PPP3CC: variants seen among roughly 807,000 people sequenced by gnomAD.
PPP3CC encodes the protein protein phosphatase 3 catalytic subunit gamma, also known as serine/threonine-protein phosphatase 2B catalytic subunit gamma isoform.
Under a neutral mutation model 60.3 loss-of-function variants are expected in PPP3CC, and 35 were observed. The ratio of observed to expected loss-of-function variants is 0.58; its 90% confidence interval spans 0.44 to 0.77. The LOEUF (loss-of-function observed/expected upper bound fraction) is 0.77. PPP3CC is among the 30% of genes least tolerant of loss of function. The pLI, the probability that PPP3CC is intolerant of heterozygous loss-of-function variation, is 0.00. For missense variants in PPP3CC, 570 were observed against 628.9 expected (o/e 0.91, Z 1.00); for synonymous variants, 206 against 224.3 (o/e 0.92, Z 0.73).
chr8:22,488,767 G>A (rs1395784710), intron 3 of PPP3CC, among the ~76,000 whole-genome samples: 1 of 152,228 alleles, frequency 6.6e-6, no homozygotes, highest in African/African-American at 2.4e-5. Flanking sequence ...AGAGGCAATT[G>A]TTGAACAGAA....
chr8:22,530,064 T>C (rs867150341), intron 10 of PPP3CC, among the ~76,000 whole-genome samples: 1 of 152,138 alleles, frequency 6.6e-6, no homozygotes, highest in Non-Finnish European at 1.5e-5. Flanking sequence ...CCTTTGGGAA[T>C]CTAGAGGAAA....
chr8:22,454,741 A>G (rs1837141481), intron 1 of PPP3CC, among the ~76,000 whole-genome samples: 1 of 152,210 alleles, frequency 6.6e-6, no homozygotes, highest in South Asian at 2.1e-4. Context: ...GCTATGTGGC[A>G]CATGACTGTT....
At chr8:22,487,414 A>G (rs1219079638) in intron 3 of PPP3CC, among the ~76,000 whole-genome samples, 1 of 152,142 alleles carries the variant, frequency 6.6e-6, no homozygotes, top group Non-Finnish European at 1.5e-5. Context: ...ACCTGAGGTC[A>G]GGAGTTCGAG....
At chr8:22,525,414 C>G (rs1839514095) in intron 8 of PPP3CC, among the ~76,000 whole-genome samples, 1 of 151,880 alleles carries the variant, frequency 6.6e-6, no homozygotes, top group Non-Finnish European at 1.5e-5. Context: ...TGTTGCTCTT[C>G]TTTCTCTTTC....
Position 22,527,435 on chromosome 8 carries a change from G to A in PPP3CC, c.987G>A (p.Gln329=). The change falls in exon 9 of 14, where the codon CAG becomes CAA. Residue 329 remains glutamine (Q), a synonymous_variant. Transcript: ENST00000240139. Reference sequence around the variant, plus strand: ...AAAACAATGTCATGAATATCAGGCAGTTTAACTGTTCTCCACACCCCTACT... The same window carrying A: ...AAAACAATGTCATGAATATCAGGCAATTTAACTGTTCTCCACACCCCTACT... The part of the protein sequence containing the change: ...KYENNVMNIR[Q]FNCSPHPYWL... 2 of 1,613,660 alleles carry A rather than the reference G, an allele frequency of 1.2e-6. No individual in the cohort carries two copies. The highest frequency in any genetic ancestry group is 1.7e-6 in the Non-Finnish European group (2 of 1,179,592).
At chr8:22,466,911 T>A (rs562916879) in intron 1 of PPP3CC, among the ~76,000 whole-genome samples, 103 of 151,094 alleles carry the variant, frequency 6.8e-4, no homozygotes, top group South Asian at 4.2e-4. Flanking sequence ...CTGGATAATT[T>A]AAAAAAAAAA....
intron 4 of PPP3CC, among the ~76,000 whole-genome samples, chr8:22,499,302 G>C (rs568102760): frequency 1.3e-5 from 2 of 150,944 alleles, no homozygotes; most frequent in Non-Finnish European, 3.0e-5. Flanking sequence ...AGCCGGGCGC[G>C]GTGGCGGGCG....
chr8:22,454,805 A>G (rs1203820757), intron 1 of PPP3CC, among the ~76,000 whole-genome samples: 1 of 152,156 alleles, frequency 6.6e-6, no homozygotes, highest in South Asian at 2.1e-4. Context: ...GCGGTGGCTC[A>G]CGCCTGTAAT....
chr8:22,474,942 A>T lies in PPP3CC; in HGVS notation c.50-12A>T, dbSNP rs771780603. ...TTAAATATTTTAAATTATTATTATT[A>T]TTTTTTTGTAGCTGTCCCCTTTCCT... On this transcript the variant is annotated splice_polypyrimidine_tract_variant and intron_variant, in intron 1 of 13. Transcript: ENST00000240139. 2.7e-5 allele frequency: 39 copies of T among 1,447,486 alleles called. No individual in the cohort carries two copies. The Admixed American group carries it at 2.8e-4, about 10-fold the overall frequency. 89.7% of individuals were successfully genotyped at this position (1,447,486 alleles called of 1,614,324 possible). A position where few individuals can be genotyped will look rare whatever the true frequency, so the allele number is the denominator to read the frequency against.
At chr8:22,507,760 TGACCATA>T (rs1485498146) in intron 4 of PPP3CC, among the ~76,000 whole-genome samples, 1 of 152,212 alleles carries the variant, frequency 6.6e-6, no homozygotes, top group South Asian at 2.1e-4. Context: ...ATTATTATTA[TGACCATA>T]GATAAGGAAA....
chr8:22,518,547 T>G (rs1347306811), intron 6 of PPP3CC, among the ~76,000 whole-genome samples: 1 of 152,198 alleles, frequency 6.6e-6, no homozygotes, highest in Non-Finnish European at 1.5e-5. Context: ...AATTCTATTC[T>G]TCTGTTATTT....
intron 3 of PPP3CC, among the ~76,000 whole-genome samples, chr8:22,489,403 A>G (rs1405455125): frequency 1.3e-5 from 2 of 151,466 alleles, no homozygotes; most frequent in African/African-American, 4.9e-5. Flanking sequence ...CCCAGTATAC[A>G]CATGCTTCTA....
At chr8:22,504,325 A>G (rs1838848894) in intron 4 of PPP3CC, among the ~76,000 whole-genome samples, 1 of 152,148 alleles carries the variant, frequency 6.6e-6, no homozygotes, top group Non-Finnish European at 1.5e-5. Context: ...TTTAAGAGAC[A>G]GGGTCTCATT....
chr8:22,455,531 G>C (rs1407336660), intron 1 of PPP3CC, among the ~76,000 whole-genome samples: 1 of 152,196 alleles, frequency 6.6e-6, no homozygotes, highest in Non-Finnish European at 1.5e-5. Flanking sequence ...TTAAAATAGA[G>C]TGATTTTAAT....
intron 1 of PPP3CC, among the ~76,000 whole-genome samples, chr8:22,471,463 A>G (rs947570629): frequency 3.3e-5 from 5 of 152,150 alleles, no homozygotes; most frequent in Admixed American, 2.6e-4. Flanking sequence ...TAACTGCTAT[A>G]CACCTAGATG....
At chr8:22,448,686 T>A (rs367936551) in intron 1 of PPP3CC, among the ~76,000 whole-genome samples, 12 of 152,280 alleles carry the variant, frequency 7.9e-5, no homozygotes, top group African/African-American at 2.9e-4. Flanking sequence ...GCCTATATCA[T>A]TGTTAAATGT....
At chr8:22,497,457 CAG>C (rs1838624809) in intron 3 of PPP3CC, among the ~76,000 whole-genome samples, 1 of 152,058 alleles carries the variant, frequency 6.6e-6, no homozygotes. Flanking sequence ...CGCTGTGCCC[CAG>C]GGCTATTGAT....
intron 1 of PPP3CC, among the ~76,000 whole-genome samples, chr8:22,467,337 A>G (rs1837571888): frequency 6.6e-6 from 1 of 152,044 alleles, no homozygotes; most frequent in Admixed American, 6.6e-5. Flanking sequence ...AATTGAGGAT[A>G]CTTTTCGATC....
At chr8:22,509,163 T>G (rs1348296404) in intron 4 of PPP3CC, among the ~76,000 whole-genome samples, 1 of 152,178 alleles carries the variant, frequency 6.6e-6, no homozygotes, top group African/African-American at 2.4e-5. Flanking sequence ...CTTAGGGATC[T>G]CTCTCTTAAT....
Sources: gnomAD v4.1 joint callset for allele counts (sites outside exome capture counted in the v4.1 genomes callset) on GRCh38, gnomAD v4.1.1 for gene constraint, MANE v1.5 for transcripts, NCBI Gene and HGNC (gene_info 2026-07-23, HGNC 2026-07-21) for gene names.